Variants in DYRK1A observed in about 807,000 individuals in gnomAD.
The protein encoded by DYRK1A is dual specificity tyrosine phosphorylation regulated kinase 1A.
Under a neutral mutation model 79.7 loss-of-function variants are expected in DYRK1A, and 9 were observed. That is an observed-to-expected ratio of 0.11 (90% CI 0.07 to 0.20). The LOEUF (loss-of-function observed/expected upper bound fraction) is 0.20, where lower values mean the gene tolerates loss of function less well. Ranked by LOEUF, DYRK1A falls within the 10% of genes least tolerant of loss-of-function variation. DYRK1A has a pLI of 1.00. For missense variants in DYRK1A, 622 were observed against 956.0 expected (o/e 0.65, Z 4.61); for synonymous variants, 349 against 329.7 (o/e 1.06, Z -0.63).
chr21:37,523,555 A>AT lies in DYRK1A; in HGVS notation c.*11025dup, dbSNP rs1251165193. On this transcript the variant is annotated 3_prime_UTR_variant, in exon 12 of 12. Transcript: ENST00000647188. ...CCTGCTTTCCTGCTGCTGTTATCAC[A>AT]TCCTTCCAGGGCTATCGGCTGTTCA... 1.3e-5 allele frequency: 2 copies of AT among 152,184 alleles called. No homozygotes were observed. Among genetic ancestry groups the AT allele is most frequent in the Non-Finnish European group, 2.9e-5 (2 of 68,028 alleles). The allele number at this position is 152,184 out of a possible 1,614,324, so 9.4% of individuals were successfully genotyped here. A position where few individuals can be genotyped will look rare whatever the true frequency, so the allele number is the denominator to read the frequency against.
chr21:37,469,393 A>G (rs1223048842), intron 2 of DYRK1A, among the ~76,000 whole-genome samples: 1 of 152,242 alleles, frequency 6.6e-6, no homozygotes, highest in African/African-American at 2.4e-5. Flanking sequence ...ATATTGTTGT[A>G]AAGCAAGGTA....
intron 2 of DYRK1A, among the ~76,000 whole-genome samples, chr21:37,452,184 G>A (rs1359414930): frequency 2.0e-5 from 3 of 151,628 alleles, no homozygotes; most frequent in African/African-American, 4.9e-5. Flanking sequence ...GACAGCAGTA[G>A]GGGGAATACA....
intron 1 of DYRK1A, among the ~76,000 whole-genome samples, chr21:37,411,049 TAAAAAAAAAA>T (rs35292922): frequency 3.4e-4 from 19 of 56,442 alleles, no homozygotes; most frequent in East Asian, 3.2e-3. Context: ...ATTCTGTCTT[TAAAAAAAAAA>T]AAAAAAAAAA....
chr21:37,482,666 TTTA>T (rs2052693218), intron 5 of DYRK1A, among the ~76,000 whole-genome samples: 1 of 152,166 alleles, frequency 6.6e-6, no homozygotes, highest in Non-Finnish European at 1.5e-5. Context: ...CTGACCAAAA[TTTA>T]TTAGGCGGGA....
At chr21:37,443,439 T>C (rs2051169808) in intron 2 of DYRK1A, among the ~76,000 whole-genome samples, 1 of 152,242 alleles carries the variant, frequency 6.6e-6, no homozygotes, top group African/African-American at 2.4e-5. Flanking sequence ...ACATTTTTTA[T>C]TGTGTACCAG....
intron 2 of DYRK1A, among the ~76,000 whole-genome samples, chr21:37,458,306 G>GTGTGTACATA (rs1309419092): frequency 6.6e-6 from 1 of 150,562 alleles, no homozygotes; most frequent in Non-Finnish European, 1.5e-5. Context: ...GTGTGTGTGT[G>GTGTGTACATA]TACATATACA....
chr21:37,423,838 T>G (rs1487217503), intron 2 of DYRK1A, among the ~76,000 whole-genome samples: 1 of 152,188 alleles, frequency 6.6e-6, no homozygotes, highest in Non-Finnish European at 1.5e-5. Flanking sequence ...GTTCATATTG[T>G]CTATGTCATA....
chr21:37,472,712 A>C lies in DYRK1A; in HGVS notation c.39A>C (p.Ser13=), dbSNP rs745895020. 1 of 1,603,918 alleles carries C rather than the reference A, an allele frequency of 6.2e-7. No homozygotes were observed. The highest frequency in any genetic ancestry group is 8.5e-7 in the Non-Finnish European group (1 of 1,173,408). ...GAGAGACTTCAGCATGCAAACCTTC[A>C]TCTGTTCGGCTTGCACCGTCATTTT... ...TGGETSACKP[S]SVRLAPSFSF... is the part of the protein sequence containing the mutation. Residue 13 remains serine (S), a synonymous_variant, in exon 3 of 12, where the codon TCA becomes TCC. Coordinates refer to ENST00000647188, the MANE Select transcript of DYRK1A (RefSeq NM_001347721.2).
At chr21:37,378,075 AC>A (rs1163499823) in intron 1 of DYRK1A, among the ~76,000 whole-genome samples, 2 of 152,220 alleles carry the variant, frequency 1.3e-5, no homozygotes, top group Non-Finnish European at 2.9e-5. Context: ...CACTGTTGTT[AC>A]CTTAGATTTT....
At chr21:37,506,388 A>C in intron 11 of DYRK1A, 165 bp downstream of exon 11, 13 of 1,528,410 alleles carry the variant, frequency 8.5e-6, no homozygotes, top group Non-Finnish European at 1.1e-5. Context: ...ACATTCTTGC[A>C]GTTTTCCTCC....
Position 37,372,294 on chromosome 21 carries a change from C to CA in DYRK1A, c.-77+4676dup, listed in dbSNP as rs34428459. On this transcript the variant is annotated intron_variant, in intron 1 of 11. Transcript: ENST00000647188. ...CCCTGTCTCAAAAAACAAAACAAAA[C>CA]AAAAAAAAAACAGGTGTGTTAGTGC... is the stretch of plus-strand genomic sequence containing the variant. 2.7e-3 allele frequency among the ~76,000 whole-genome samples: 403 copies of CA among 147,284 alleles called. 3 individuals carry two copies. The highest frequency in any genetic ancestry group is 4.6e-3 in the Non-Finnish European group (310 of 66,916).
chr21:37,394,313 C>G (rs1050960187), intron 1 of DYRK1A, among the ~76,000 whole-genome samples: 2 of 150,744 alleles, frequency 1.3e-5, no homozygotes, highest in East Asian at 2.0e-4. Context: ...GGTTTGTTAC[C>G]TGCAGTGGTG....
intron 4 of DYRK1A, among the ~76,000 whole-genome samples, chr21:37,479,619 G>GTTTTTTTTTTTTTGTT (rs2052553052): frequency 2.7e-5 from 2 of 73,898 alleles, no homozygotes. Flanking sequence ...TTTGTTTTTT[G>GTTTTTTTTTTTTTGTT]TTTTTTTTTT....
intron 7 of DYRK1A, among the ~76,000 whole-genome samples, chr21:37,491,413 G>A (rs1038272556): frequency 2.6e-5 from 4 of 152,044 alleles, no homozygotes; most frequent in Admixed American, 1.3e-4. Flanking sequence ...AAAGAAACCC[G>A]GCTAACATAC....
At chr21:37,492,111 ATTGGCTTATAAAAACCATGGAAATG>A (rs1341124222) in intron 7 of DYRK1A, among the ~76,000 whole-genome samples, 1 of 152,196 alleles carries the variant, frequency 6.6e-6, no homozygotes, top group Non-Finnish European at 1.5e-5. Flanking sequence ...TAACAATGGT[ATTGGCTTATAAAAACCATGGAAATG>A]TAATACTTCT....
chr21:37,515,734 C>T lies in DYRK1A; in HGVS notation c.*3203C>T, dbSNP rs1479701352. On this transcript the variant is annotated 3_prime_UTR_variant, in exon 12 of 12. Transcript: ENST00000647188. ...GAATCTGTAAAATTAAGGTTGGTTGCGTAAAGTTGAAGTTAACCACATGTA... is the reference window on the plus strand; with the variant it reads ...GAATCTGTAAAATTAAGGTTGGTTGTGTAAAGTTGAAGTTAACCACATGTA... 1.3e-5 allele frequency: 2 copies of T among 151,586 alleles called. No individual in the cohort carries two copies. Among genetic ancestry groups the T allele is most frequent in the Admixed American group, 6.6e-5 (1 of 15,218 alleles). The allele number at this position is 151,586 out of a possible 1,614,324, so 9.4% of individuals were successfully genotyped here.
At position 37,525,374 on chromosome 21, in the gene DYRK1A, A is replaced by G. The variant is rs1268397401; in HGVS notation, c.*12843A>G. On this transcript the variant is annotated 3_prime_UTR_variant, in exon 12 of 12. Transcript: ENST00000647188. ...CAAGCAAGAGAGTGTGTGCAGGGGA[A>G]CTGCCCTTTATAAAACCATCAGATC... The G allele has an allele frequency of 6.6e-6, 1 of 152,194 alleles. No homozygotes were observed. Among genetic ancestry groups the G allele is most frequent in the Non-Finnish European group, 1.5e-5 (1 of 68,040 alleles). 9.4% of individuals were successfully genotyped at this position (152,194 alleles called of 1,614,324 possible). A position where few individuals can be genotyped will look rare whatever the true frequency, so the allele number is the denominator to read the frequency against.
chr21:37,499,293 C>T lies in DYRK1A; in HGVS notation c.1212+3035C>T, dbSNP rs190026118. On this transcript the variant is annotated intron_variant, in intron 9 of 11. Transcript: ENST00000647188. ...GGTCCATCTTGAATTAATTTTTGAG[C>T]GTGGAACAGGGTGAAGGGGTTGAAG... Among the ~76,000 whole-genome samples the T allele has an allele frequency of 4.6e-5, 7 of 152,134 alleles. No homozygotes were observed. In the East Asian group the frequency reaches 1.4e-3, roughly 29 times the overall value.
intron 1 of DYRK1A, among the ~76,000 whole-genome samples, chr21:37,389,364 T>C (rs918379547): frequency 4.6e-5 from 7 of 151,576 alleles, no homozygotes; most frequent in African/African-American, 1.5e-4. Flanking sequence ...CGGGGTCTCA[T>C]TGTGTTGCCC....
Sources: allele counts gnomAD v4.1 joint callset (sites outside exome capture counted in the v4.1 genomes callset), GRCh38; gene constraint gnomAD v4.1.1; transcripts MANE v1.5; gene names NCBI Gene and HGNC (gene_info 2026-07-23, HGNC 2026-07-21).